UBA5: variants seen among roughly 807,000 people sequenced by gnomAD.
UBA5 encodes the protein ubiquitin-like modifier-activating enzyme 5.
A neutral mutation model predicts 52.9 loss-of-function variants in UBA5; 28 were observed. The observed-to-expected ratio is 0.53, with a 90% confidence interval of 0.39 to 0.73. UBA5 has a LOEUF of 0.73. Ranked by LOEUF, UBA5 falls within the 30% of genes least tolerant of loss-of-function variation. The pLI is 0.00. For missense variants in UBA5, 388 were observed against 492.7 expected, an observed-to-expected ratio of 0.79 and a Z score of 2.01; for synonymous variants, 135 against 162.1, an observed-to-expected ratio of 0.83 and a Z score of 1.27.
chr3:132,664,348 A>G (rs545437947), intron 1 of UBA5, among the ~76,000 whole-genome samples: 17 of 152,296 alleles, frequency 1.1e-4, no homozygotes, highest in African/African-American at 3.8e-4. Context: ...TCCCACAATT[A>G]TATGCCCTTT....
Position 132,672,058 on chromosome 3 carries a change from A to G in UBA5, c.693A>G (p.Pro231=). 6.2e-7 allele frequency: 1 copy of G among 1,613,858 alleles called. No homozygotes were observed. Among genetic ancestry groups the G allele is most frequent in the Non-Finnish European group, 8.5e-7 (1 of 1,179,902 alleles). The change falls in exon 8 of 12, where the codon CCA becomes CCG. Residue 231 remains proline, a synonymous_variant. Coordinates refer to ENST00000356232, the MANE Select transcript of UBA5 (RefSeq NM_024818.6). ...PGESACFACA[P]PLVVAANIDE... is the part of the protein sequence containing the mutation. ...TTTTATTTTTCATGTAGTGTGCTCCACCACTTGTAGTTGCTGCAAATATTG... is the reference window on the plus strand; with the variant it reads ...TTTTATTTTTCATGTAGTGTGCTCCGCCACTTGTAGTTGCTGCAAATATTG...
upstream of UBA5, chr3:132,660,217 C>T (rs761221286): frequency 2.1e-6 from 1 of 474,304 alleles, no homozygotes. This position sits in a 1 kb window ranked among gnomAD's most constrained non-coding sequence, Gnocchi z 4.1. Flanking sequence ...TCGCTGGCCT[C>T]CTGCCCTGGA....
upstream of UBA5, chr3:132,659,444 G>C (rs576310098): frequency 1.1e-5 from 11 of 1,004,676 alleles, no homozygotes; most frequent in East Asian, 2.6e-4. Context: ...CATCGAATTC[G>C]GAGGGCCGGC....
rs961142487 is a variant in UBA5, at chr3:132,661,096, G to T, written c.161+398G>T. On this transcript the variant is annotated intron_variant, in intron 1 of 11. Coordinates refer to ENST00000356232, the MANE Select transcript of UBA5 (RefSeq NM_024818.6). The stretch of plus-strand genomic sequence containing the variant: ...GGCTTATCAATGCATCTTAAATGGG[G>T]TCGGGGCGGGGGAGAGCGGGGTTAG... The T allele has an allele frequency of 9.3e-6, 12 of 1,287,686 alleles. No individual in the cohort carries two copies. The African/African-American group carries it at 1.4e-4, about 15-fold the overall frequency. 79.8% of individuals were successfully genotyped at this position (1,287,686 alleles called of 1,614,324 possible).
rs1178252237 is a variant in UBA5 at position 132,671,040 on chromosome 3, A to G, written c.570A>G (p.Thr190=). 1.2e-6 allele frequency: 2 copies of G among 1,612,726 alleles called. No homozygotes were observed. Residue 190 remains threonine, a synonymous_variant, in exon 6 of 12, where the codon ACA becomes ACG. Transcript: ENST00000356232. The part of the protein sequence containing the change: ...SCVDNFEARM[T]INTACNELGQ... ...TGGACAATTTTGAAGCTCGAATGAC[A>G]ATAAATACAGTGAGTATTCCTGCTG...
Position 132,677,046 on chromosome 3 carries a change from TA to T in UBA5, c.*522del. 1 of 284,926 alleles carries T rather than the reference TA, an allele frequency of 3.5e-6. No homozygotes were observed. Among genetic ancestry groups the T allele is most frequent in the Non-Finnish European group, 7.1e-6 (1 of 140,142 alleles). 17.6% of individuals were successfully genotyped at this position (284,926 alleles called of 1,614,324 possible). ...TGATCAACAATGAATTCAAAATAGT[TA>T]ACCTATGAAATAACATCCTCTCAAA... On this transcript the variant is annotated 3_prime_UTR_variant, in exon 12 of 12. Coordinates refer to ENST00000356232, the MANE Select transcript of UBA5 (RefSeq NM_024818.6).
upstream of UBA5, among the ~76,000 whole-genome samples, chr3:132,658,305 T>A (rs917744488): frequency 6.6e-6 from 1 of 152,228 alleles, no homozygotes; most frequent in Non-Finnish European, 1.5e-5. Flanking sequence ...CAGAGTTCCA[T>A]ATATATTTAT....
Position 132,675,948 on chromosome 3 carries a change from A to C in UBA5, c.1131+25A>C, listed in dbSNP as rs765318348. 10 of 1,357,966 alleles carry C rather than the reference A, an allele frequency of 7.4e-6. No homozygotes were observed. The South Asian group carries it at 1.3e-4, about 17-fold the overall frequency. The allele number at this position is 1,357,966 out of a possible 1,614,324, so 84.1% of individuals were successfully genotyped here. On this transcript the variant is annotated intron_variant, in intron 11 of 11. Coordinates refer to ENST00000356232, the MANE Select transcript of UBA5 (RefSeq NM_024818.6). ...GGTACTTCAAAAATATGATTTACCC[A>C]TATGTAAATATCATATAAAATATTT...
At chr3:132,667,247 T>G (rs1938414170) in intron 3 of UBA5, 1 of 152,218 alleles carries the variant, frequency 6.6e-6, no homozygotes, top group South Asian at 2.1e-4. Flanking sequence ...ATATTAAAGT[T>G]GGAGAAGTGC....
intron 8 of UBA5, among the ~76,000 whole-genome samples, chr3:132,672,953 T>C (rs1938668213): frequency 6.6e-6 from 1 of 152,214 alleles, no homozygotes; most frequent in South Asian, 2.1e-4. Context: ...TTTACAACTT[T>C]AATAAGCTTA....
intron 1 of UBA5, 29 bp from the exon 2 acceptor site, chr3:132,665,794 C>G: frequency 6.2e-7 from 1 of 1,607,936 alleles, no homozygotes. Context: ...AGACTGTAAG[C>G]TTTAAAACAT....
chr3:132,666,409 A>T lies in UBA5; in HGVS notation c.297+336A>T, dbSNP rs554982809. On this transcript the variant is annotated intron_variant, in intron 3 of 11. Transcript: ENST00000356232. The stretch of plus-strand genomic sequence containing the variant: ...ACATCTAACAAATATTTTATTAAAC[A>T]TATACCAGGCAGAATAGAAAACATG... 3.3e-5 allele frequency among the ~76,000 whole-genome samples: 5 copies of T among 152,292 alleles called. No homozygotes were observed. In the East Asian group the frequency reaches 9.6e-4, roughly 29 times the overall value.
intron 5 of UBA5, 113 bp downstream of exon 5, chr3:132,670,397 A>G (rs1162324587): frequency 1.3e-5 from 7 of 526,464 alleles, no homozygotes. Flanking sequence ...ATATTTTTCC[A>G]TTTTTTTAGT....
chr3:132,673,284 CTTTTT>C (rs1462888973), intron 8 of UBA5, among the ~76,000 whole-genome samples: 1 of 152,104 alleles, frequency 6.6e-6, no homozygotes, highest in Non-Finnish European at 1.5e-5. Flanking sequence ...TAATTCTTTT[CTTTTT>C]TATTAACAAT....
At position 132,660,418 on chromosome 3, in the gene UBA5, G is replaced by A; in HGVS notation, c.-120G>A. 7.5e-7 allele frequency: 1 copy of A among 1,331,508 alleles called. No individual in the cohort carries two copies. The highest frequency in any genetic ancestry group is 1.0e-6 in the Non-Finnish European group (1 of 977,396). 82.5% of individuals were successfully genotyped at this position (1,331,508 alleles called of 1,614,324 possible). ...TGGGTGCACGTCCCCAGGGCTCTGG[G>A]CTAGGAAGGCAGCGGCGAGGTGCCT... On this transcript the variant is annotated 5_prime_UTR_variant, in exon 1 of 12. Coordinates refer to ENST00000356232, the MANE Select transcript of UBA5 (RefSeq NM_024818.6). The surrounding 1 kb of genome is among the most constrained non-coding windows in gnomAD (Gnocchi z 4.1).
At position 132,678,642 on chromosome 3, in the gene UBA5, ATATT is replaced by A. The variant is rs952754524; in HGVS notation, c.*2134_*2137del. ...CAAAAAACGTAATGGCCACTTAAGAATATTTATTTATTTATTTATTTTTTTGAGA... is the reference window on the plus strand; with the variant it reads ...CAAAAAACGTAATGGCCACTTAAGAATATTTATTTATTTATTTTTTTGAGA... On this transcript the variant is annotated 3_prime_UTR_variant, in exon 12 of 12. Coordinates refer to ENST00000356232, the MANE Select transcript of UBA5 (RefSeq NM_024818.6). 1.5e-4 allele frequency among the ~76,000 whole-genome samples: 23 copies of A among 152,108 alleles called. No homozygotes were observed. Among genetic ancestry groups the A allele is most frequent in the African/African-American group, 3.6e-4 (15 of 41,496 alleles).
At chr3:132,673,225 G>T (rs1938681037) in intron 8 of UBA5, among the ~76,000 whole-genome samples, 1 of 152,092 alleles carries the variant, frequency 6.6e-6, no homozygotes, top group South Asian at 2.1e-4. Context: ...TTCCCTTAAG[G>T]ATGTGTCCTA....
chr3:132,666,577 A>G (rs1485113232), intron 3 of UBA5, among the ~76,000 whole-genome samples: 1 of 152,106 alleles, frequency 6.6e-6, no homozygotes, highest in African/African-American at 2.4e-5. Flanking sequence ...CAGTCTACCA[A>G]TCTTAGATTT....
Position 132,671,811 on chromosome 3 carries a change from C to A in UBA5, c.614C>A (p.Ser205Tyr). ...GAACTTGGACAAACATGGATGGAAT[C>A]TGGGGTCAGTGAAAATGCAGTTTCA... ...CNELGQTWMESGVSENAVSGH... is the reference protein window; with the variant it reads ...CNELGQTWMEYGVSENAVSGH... The change falls in exon 7 of 12, where the codon TCT (serine) becomes TAT (tyrosine). Residue 205 changes from serine (S) to tyrosine (Y), a missense_variant. By Grantham distance (144) the Ser-to-Tyr change is moderately radical. Coordinates refer to ENST00000356232, the MANE Select transcript of UBA5 (RefSeq NM_024818.6). 3 of 1,613,662 alleles carry A rather than the reference C, an allele frequency of 1.9e-6. No homozygotes were observed. Among genetic ancestry groups the A allele is most frequent in the Non-Finnish European group, 2.5e-6 (3 of 1,179,812 alleles).
Sources: allele counts gnomAD v4.1 joint callset (sites outside exome capture counted in the v4.1 genomes callset), GRCh38; gene constraint gnomAD v4.1.1; non-coding constraint Gnocchi (gnomAD v3.1); transcripts MANE v1.5; gene names NCBI Gene and HGNC (gene_info 2026-07-23, HGNC 2026-07-21).